Variants in KANSL1 observed in about 807,000 individuals in gnomAD.
KANSL1 encodes KAT8 regulatory NSL complex subunit 1.
A neutral mutation model predicts 103.6 loss-of-function variants in KANSL1; 22 were observed. The observed-to-expected ratio is 0.21, with a 90% confidence interval of 0.15 to 0.30. KANSL1 has a LOEUF of 0.30. Among genes scored for constraint, KANSL1 ranks in the 10% least tolerant of loss-of-function variants. The pLI, the probability that KANSL1 is intolerant of heterozygous loss-of-function variation, is 1.00. For missense variants in KANSL1, 1,337 were observed against 1,399.8 expected, an observed-to-expected ratio of 0.96 and a Z score of 0.72; for synonymous variants, 600 against 527.6, an observed-to-expected ratio of 1.14 and a Z score of -1.88.
intron 2 of KANSL1, among the ~76,000 whole-genome samples, chr17:46,130,186 C>CAAAAAAAAAAAAAAAAAA (rs1172626506): frequency 3.5e-5 from 2 of 57,698 alleles, no homozygotes; most frequent in Non-Finnish European, 7.1e-5. Context: ...GATCCTGTCT[C>CAAAAAAAAAAAAAAAAAA]CAAAAAAAAA....
intron 2 of KANSL1, among the ~76,000 whole-genome samples, chr17:46,161,739 C>CT (rs1208914391): frequency 6.6e-6 from 1 of 152,228 alleles, no homozygotes; most frequent in Non-Finnish European, 1.5e-5. Context: ...ACACCTCTCT[C>CT]TAGTTGCCAT....
intron 2 of KANSL1, chr17:46,170,146 T>TCAAAA (rs74916749): frequency 0.11 from 16,659 of 148,962 alleles, 1 homozygote; most frequent in Non-Finnish European, 0.17. Context: ...CGGAACTGTC[T>TCAAAA]CAAAACAAAA....
chr17:46,105,954 C>CCA (rs2042547014), intron 2 of KANSL1, among the ~76,000 whole-genome samples: 1 of 144,744 alleles, frequency 6.9e-6, no homozygotes, highest in Non-Finnish European at 1.5e-5. Context: ...CACACCCCCC[C>CCA]AGAAGGGTGA....
chr17:46,047,805 A>G (rs1381732798), intron 7 of KANSL1, among the ~76,000 whole-genome samples: 1 of 87,762 alleles, frequency 1.1e-5, no homozygotes, highest in African/African-American at 3.4e-5. Context: ...TAAAAATTAA[A>G]AAAAAAAAAA....
intron 6 of KANSL1, among the ~76,000 whole-genome samples, chr17:46,054,937 G>A (rs563165297): frequency 4.7e-5 from 7 of 150,156 alleles, no homozygotes; most frequent in Non-Finnish European, 8.9e-5. Context: ...TGCAAGCTCC[G>A]CCTCCTAGCT....
At chr17:46,060,188 A>G (rs2078107993) in intron 6 of KANSL1, among the ~76,000 whole-genome samples, 2 of 152,254 alleles carry the variant, frequency 1.3e-5, no homozygotes, top group Non-Finnish European at 2.9e-5. Context: ...ATCATAGCAT[A>G]TTCGTCCAAA....
At chr17:46,167,150 G>GA (rs912598289) in intron 2 of KANSL1, among the ~76,000 whole-genome samples, 111 of 151,048 alleles carry the variant, frequency 7.3e-4, no homozygotes, top group African/African-American at 1.6e-3. Flanking sequence ...AGAATTTCTG[G>GA]AAAAAAAATA....
intron 2 of KANSL1, among the ~76,000 whole-genome samples, chr17:46,106,282 C>T (rs1598633337): frequency 6.6e-6 from 1 of 152,240 alleles, no homozygotes; most frequent in Non-Finnish European, 1.5e-5. Flanking sequence ...AGGAATAATG[C>T]TCCAACTTTA....
At chr17:46,077,007 T>TTA (rs1555750789) in intron 4 of KANSL1, among the ~76,000 whole-genome samples, 1 of 152,152 alleles carries the variant, frequency 6.6e-6, no homozygotes, top group Admixed American at 6.5e-5. Flanking sequence ...TTCCATGCCT[T>TTA]TAATTGCTTT....
chr17:46,210,869 G>A (rs1201852684), intron 1 of KANSL1, among the ~76,000 whole-genome samples: 11 of 152,228 alleles, frequency 7.2e-5, no homozygotes, highest in Admixed American at 5.9e-4. Context: ...CTAAATATGT[G>A]AAGGGTTATC....
At chr17:46,123,553 C>A (rs1263566961) in intron 2 of KANSL1, among the ~76,000 whole-genome samples, 1 of 152,162 alleles carries the variant, frequency 6.6e-6, no homozygotes, top group South Asian at 2.1e-4. Context: ...ACACACAAAT[C>A]GTAAGCAAGA....
At chr17:46,098,850 A>G (rs1220202804) in intron 2 of KANSL1, among the ~76,000 whole-genome samples, 3 of 152,244 alleles carry the variant, frequency 2.0e-5, no homozygotes, top group Non-Finnish European at 4.4e-5. Flanking sequence ...AGCGTCCAAG[A>G]AGTATCTTGT....
chr17:46,154,225 G>T (rs2045290062), intron 2 of KANSL1, among the ~76,000 whole-genome samples: 1 of 152,216 alleles, frequency 6.6e-6, no homozygotes, highest in African/African-American at 2.4e-5. Flanking sequence ...ATATCCACAT[G>T]CTTAAATTAT....
rs547228248 is a variant in KANSL1 at position 46,123,528 on chromosome 17, G to A, written c.1290-28827C>T. Among the ~76,000 whole-genome samples the A allele has an allele frequency of 4.6e-5, 7 of 152,346 alleles. No individual in the cohort carries two copies. In the East Asian group the frequency reaches 1.3e-3, roughly 29 times the overall value. On this transcript the variant is annotated intron_variant, in intron 2 of 14. Transcript: ENST00000432791. ...AAAGTTCTTGGAGAAAATTTAAAAA[G>A]TGCTACTCCAGTGAACACACAAATC...
At chr17:46,064,069 A>C (rs2078282375) in intron 6 of KANSL1, among the ~76,000 whole-genome samples, 2 of 104,512 alleles carry the variant, frequency 1.9e-5, no homozygotes, top group South Asian at 5.2e-4. Flanking sequence ...AAAAAAAAAA[A>C]AACAAAAAAA....
intron 10 of KANSL1, among the ~76,000 whole-genome samples, chr17:46,036,580 T>C (rs938533438): frequency 2.6e-5 from 4 of 152,238 alleles, no homozygotes; most frequent in African/African-American, 4.8e-5. Context: ...AGCATACACA[T>C]AGGTTATATG....
chr17:46,185,743 T>A (rs1397628063), intron 1 of KANSL1, among the ~76,000 whole-genome samples: 1 of 144,362 alleles, frequency 6.9e-6, no homozygotes, highest in Non-Finnish European at 1.5e-5. Flanking sequence ...ACGGATAGGC[T>A]AGGCCCCATG....
At chr17:46,121,633 A>C (rs2043284785) in intron 2 of KANSL1, among the ~76,000 whole-genome samples, 1 of 152,178 alleles carries the variant, frequency 6.6e-6, no homozygotes, top group Admixed American at 6.5e-5. Flanking sequence ...ATTTGCTGCA[A>C]CCAAATATAT....
chr17:46,147,572 T>TAAAAAA (rs10717937), intron 2 of KANSL1, among the ~76,000 whole-genome samples: 9 of 103,066 alleles, frequency 8.7e-5, no homozygotes, highest in South Asian at 6.0e-4. Context: ...TGAGACTCTT[T>TAAAAAA]AAAAAAAAAA....
Sources: gnomAD v4.1 joint callset for allele counts (sites outside exome capture counted in the v4.1 genomes callset) on GRCh38, gnomAD v4.1.1 for gene constraint, MANE v1.5 for transcripts, NCBI Gene and HGNC (gene_info 2026-07-23, HGNC 2026-07-21) for gene names.